The following SOD2 variants were observed in gnomAD, a reference collection of about 807,000 sequenced individuals.
SOD2 encodes the protein superoxide dismutase [Mn], mitochondrial.
A neutral mutation model predicts 27.0 loss-of-function variants in SOD2; 11 were observed. The observed-to-expected ratio is 0.41, with a 90% CI of 0.26 to 0.67. SOD2 has a LOEUF of 0.67. Among genes scored for constraint, SOD2 ranks in the 30% least tolerant of loss-of-function variants. The pLI is 0.34. For missense variants in SOD2, 250 were observed against 274.5 expected, an observed-to-expected ratio of 0.91 and a Z score of 0.63; for synonymous variants, 105 against 103.0, an observed-to-expected ratio of 1.02 and a Z score of -0.12.
At chr6:159,739,712 G>A (rs1184355872) in intron 1 of SOD2, among the ~76,000 whole-genome samples, 1 of 151,916 alleles carries the variant, frequency 6.6e-6, no homozygotes, top group Non-Finnish European at 1.5e-5. Flanking sequence ...AAGCGGAGGA[G>A]AGAAAAGATG....
At chr6:159,758,697 C>G (rs1453805989) in intron 1 of SOD2, among the ~76,000 whole-genome samples, 1 of 152,102 alleles carries the variant, frequency 6.6e-6, no homozygotes, top group African/African-American at 2.4e-5. Context: ...TGAGCTAGCC[C>G]CTAGTGGTAA....
intron 1 of SOD2, chr6:159,713,264 T>C: frequency 1.4e-6 from 1 of 711,338 alleles, no homozygotes; most frequent in Non-Finnish European, 2.5e-6. Context: ...GCCACGATAG[T>C]CATCATAGCC....
upstream of SOD2, among the ~76,000 whole-genome samples, chr6:159,694,900 G>A (rs1325365522): frequency 3.9e-5 from 6 of 151,972 alleles, no homozygotes; most frequent in Non-Finnish European, 7.4e-5. Context: ...CACGGCGCCC[G>A]GCCTATAGAT....
At chr6:159,703,392 T>C (rs963862764) in intron 1 of SOD2, among the ~76,000 whole-genome samples, 17 of 131,514 alleles carry the variant, frequency 1.3e-4, no homozygotes, top group Admixed American at 1.2e-3. Context: ...ACATGGAAGT[T>C]GAGGCTTTAC....
chr6:159,721,255 G>A (rs1411983389), intron 1 of SOD2, among the ~76,000 whole-genome samples: 1 of 151,848 alleles, frequency 6.6e-6, no homozygotes. Flanking sequence ...TTTTAGTAGA[G>A]ATGGGGTTTC....
intron 1 of SOD2, chr6:159,712,934 T>G (rs1439920502): frequency 3.1e-6 from 2 of 637,554 alleles, no homozygotes; most frequent in African/African-American, 1.8e-5. Context: ...GGTCTCCCTG[T>G]ACCTGTGCTG....
chr6:159,751,852 A>G (rs2114954988), intron 1 of SOD2, among the ~76,000 whole-genome samples: 1 of 152,314 alleles, frequency 6.6e-6, no homozygotes, highest in Admixed American at 6.5e-5. Context: ...ACTTGAGCTT[A>G]GGAGTTTGAG....
chr6:159,748,110 A>G, upstream of SOD2: 4 of 1,502,342 alleles, frequency 2.7e-6, no homozygotes, highest in Admixed American at 4.2e-5. This position sits in a 1 kb window ranked among gnomAD's most constrained non-coding sequence, Gnocchi z 5.6. Context: ...TGGTAAATCA[A>G]GTGAATGGAG....
chr6:159,759,612 G>A (rs958091751), intron 1 of SOD2, among the ~76,000 whole-genome samples: 13 of 151,074 alleles, frequency 8.6e-5, no homozygotes, highest in South Asian at 4.2e-4. Flanking sequence ...GGAGGTTGTG[G>A]TGAGCCGAGA....
intron 1 of SOD2, chr6:159,755,690 T>G: frequency 7.5e-7 from 1 of 1,328,332 alleles, no homozygotes; most frequent in Non-Finnish European, 9.6e-7. Flanking sequence ...CATACTTTTG[T>G]CACAATTTGC....
At chr6:159,745,340 C>T (rs933751584), upstream of SOD2, among the ~76,000 whole-genome samples, 2 of 152,150 alleles carry the variant, frequency 1.3e-5, no homozygotes, top group Admixed American at 1.3e-4. Context: ...GATCATATTA[C>T]GCCTGGTCAA....
At chr6:159,747,862 T>A (rs907848247), upstream of SOD2, among the ~76,000 whole-genome samples, 2 of 150,636 alleles carry the variant, frequency 1.3e-5, no homozygotes, top group Non-Finnish European at 2.9e-5. Flanking sequence ...TGTAATCAAA[T>A]GGCCTCAATT....
chr6:159,707,070 C>T (rs190918510), intron 1 of SOD2, among the ~76,000 whole-genome samples: 4 of 151,284 alleles, frequency 2.6e-5, no homozygotes, highest in Admixed American at 6.6e-5. Context: ...TTGAAACCAA[C>T]GAGAACAAAG....
chr6:159,736,125 TTTATTTAAATTCTAA>T (rs1778898033), intron 1 of SOD2: 2 of 927,160 alleles, frequency 2.2e-6, no homozygotes, highest in Admixed American at 5.5e-5. Context: ...TTTAAAATTG[TTTATTTAAATTCTAA>T]TTATTCAACA....
Position 159,680,656 on chromosome 6 carries a change from C to T in SOD2, c.*1837G>A, listed in dbSNP as rs1015215865. On this transcript the variant is annotated 3_prime_UTR_variant, in exon 5 of 5. Coordinates refer to ENST00000538183, the MANE Select transcript of SOD2 (RefSeq NM_000636.4). ...GGTTTAAGAAAAAAGCCTATATAGG[C>T]CAGGTGCAGTGGCTCACACCTGTAA... 4.6e-5 allele frequency: 7 copies of T among 152,034 alleles called. No individual in the cohort carries two copies. Among genetic ancestry groups the T allele is most frequent in the African/African-American group, 1.7e-4 (7 of 41,404 alleles). The allele number at this position is 152,034 out of a possible 1,614,324, so 9.4% of individuals were successfully genotyped here.
intron 1 of SOD2, among the ~76,000 whole-genome samples, chr6:159,733,745 C>G (rs2114884240): frequency 6.6e-6 from 1 of 152,120 alleles, no homozygotes; most frequent in South Asian, 2.1e-4. Flanking sequence ...GAAACCCCGT[C>G]TCTACTAAAA....
upstream of SOD2, among the ~76,000 whole-genome samples, chr6:159,732,272 T>C (rs1778620381): frequency 6.6e-6 from 1 of 152,180 alleles, no homozygotes; most frequent in South Asian, 2.1e-4. Context: ...ACAGCATCCA[T>C]GATACTTTAG....
chr6:159,688,444 G>C lies in SOD2; in HGVS notation c.227-202C>G, dbSNP rs972406064. The C allele has an allele frequency of 6.1e-5, 30 of 495,466 alleles. 1 individual carries two copies. The South Asian group carries it at 6.8e-4, about 11-fold the overall frequency. 30.7% of individuals were successfully genotyped at this position (495,466 alleles called of 1,614,324 possible). ...AACAACTGATGAAGGACCTAGCAGAGGTGGAAAAGCTAGAAAATTCACTCC... is the reference window on the plus strand; with the variant it reads ...AACAACTGATGAAGGACCTAGCAGACGTGGAAAAGCTAGAAAATTCACTCC... On this transcript the variant is annotated intron_variant, in intron 2 of 4. Transcript: ENST00000538183.
intron 1 of SOD2, 52 bp from the exon 2 acceptor site, chr6:159,692,915 G>T: frequency 6.8e-7 from 1 of 1,462,574 alleles, no homozygotes; most frequent in Non-Finnish European, 9.1e-7. Flanking sequence ...GACCGTCTAC[G>T]CAGGCTGGGC....
Sources: allele counts gnomAD v4.1 joint callset (sites outside exome capture counted in the v4.1 genomes callset), GRCh38; gene constraint gnomAD v4.1.1; non-coding constraint Gnocchi (gnomAD v3.1); transcripts MANE v1.5; gene names NCBI Gene and HGNC (gene_info 2026-07-23, HGNC 2026-07-21).